The following UGGT2 variants were observed in gnomAD, a reference collection of about 807,000 sequenced individuals.
UGGT2 encodes the protein UDP-glucose glycoprotein glucosyltransferase 2, also known as UDP-glucose:glycoprotein glucosyltransferase 2.
Under a neutral mutation model 192.1 loss-of-function variants are expected in UGGT2, and 180 were observed. That is an observed-to-expected ratio of 0.94 (90% CI 0.83 to 1.06). The LOEUF (loss-of-function observed/expected upper bound fraction) is 1.06. Ranked by LOEUF, UGGT2 falls within the 50% of genes least tolerant of loss-of-function variation. UGGT2 has a pLI of 0.00. For synonymous variants in UGGT2, 580 were observed against 591.0 expected (o/e 0.98, Z 0.27); for missense variants, 1,849 against 1,795.7 (o/e 1.03, Z -0.54).
chr13:96,003,395 A>G (rs2051869417), intron 5 of UGGT2, among the ~76,000 whole-genome samples: 1 of 152,206 alleles, frequency 6.6e-6, no homozygotes, highest in Admixed American at 6.5e-5. Context: ...GAAGATTATT[A>G]TAAAGGCCAC....
chr13:95,853,364 G>C (rs1889247291), intron 36 of UGGT2, among the ~76,000 whole-genome samples, 179 bp downstream of exon 36: 1 of 152,154 alleles, frequency 6.6e-6, no homozygotes, highest in Admixed American at 6.5e-5. Context: ...TATTAGTTTT[G>C]AAAATGTTGA....
At chr13:95,960,177 C>T (rs139886723) in intron 12 of UGGT2, among the ~76,000 whole-genome samples, 48 of 152,228 alleles carry the variant, frequency 3.2e-4, no homozygotes, top group Non-Finnish European at 6.2e-4. Context: ...CAGATGTCAA[C>T]GTAAGGACAC....
chr13:95,828,689 C>G (rs1886313996), intron 38 of UGGT2, among the ~76,000 whole-genome samples: 1 of 151,726 alleles, frequency 6.6e-6, no homozygotes. Context: ...GCCTACCAAC[C>G]AAAAAAAACT....
At chr13:95,935,147 A>C (rs554615886) in intron 17 of UGGT2, among the ~76,000 whole-genome samples, 59 of 152,252 alleles carry the variant, frequency 3.9e-4, no homozygotes, top group Admixed American at 3.2e-3. Flanking sequence ...TTTTTTATCC[A>C]ATTGCCACTC....
chr13:95,914,447 T>C (rs550150453), intron 20 of UGGT2, among the ~76,000 whole-genome samples: 3 of 151,770 alleles, frequency 2.0e-5, no homozygotes, highest in African/African-American at 7.2e-5. Flanking sequence ...GACTTCAGTA[T>C]GTTTGATATA....
In UGGT2 at chr13:95,973,865, T is replaced by C. The variant is rs1320631957; in HGVS notation, c.1093-1194A>G. ...AATTATATCTATCTCACATGTTTGC[T>C]ATAGTTTAAATGTAATATACATCTA... On this transcript the variant is annotated intron_variant, in intron 10 of 38. Transcript: ENST00000376747. 3.3e-5 allele frequency among the ~76,000 whole-genome samples: 5 copies of C among 152,366 alleles called. No individual in the cohort carries two copies. In the South Asian group the frequency reaches 6.2e-4, roughly 19 times the overall value.
At chr13:95,919,563 T>C (rs1003109128) in intron 20 of UGGT2, among the ~76,000 whole-genome samples, 3 of 152,154 alleles carry the variant, frequency 2.0e-5, no homozygotes, top group Non-Finnish European at 4.4e-5. Flanking sequence ...AGCATTCCTA[T>C]ACACCAACAA....
At chr13:95,864,326 A>G (rs1234226208) in intron 30 of UGGT2, among the ~76,000 whole-genome samples, 1 of 152,180 alleles carries the variant, frequency 6.6e-6, no homozygotes, top group East Asian at 1.9e-4. Flanking sequence ...AGTTCAGTAG[A>G]CATAATTGTT....
At chr13:96,038,078 G>A (rs1236984543) in intron 1 of UGGT2, among the ~76,000 whole-genome samples, 1 of 152,252 alleles carries the variant, frequency 6.6e-6, no homozygotes, top group Non-Finnish European at 1.5e-5. Flanking sequence ...AGGCACATGA[G>A]GTAACACTGA....
chr13:95,997,205 T>C (rs539719060), intron 6 of UGGT2, among the ~76,000 whole-genome samples: 5 of 152,090 alleles, frequency 3.3e-5, no homozygotes, highest in Non-Finnish European at 7.3e-5. Context: ...TATGACAGGA[T>C]AGACACCAAG....
In UGGT2 at chr13:96,031,201, T is replaced by C. The variant is rs536562334; in HGVS notation, c.241+688A>G. ...TTTCTGTCCAATTTTGCTATGAACTTAGAACTACTCTAAAAAAATTAAGTC... is the reference window on the plus strand; with the variant it reads ...TTTCTGTCCAATTTTGCTATGAACTCAGAACTACTCTAAAAAAATTAAGTC... On this transcript the variant is annotated intron_variant, in intron 2 of 38. Transcript: ENST00000376747. Among the ~76,000 whole-genome samples the C allele has an allele frequency of 7.9e-5, 12 of 152,282 alleles. No individual in the cohort carries two copies. In the South Asian group the frequency reaches 2.5e-3, roughly 32 times the overall value.
At chr13:95,947,607 C>T (rs989355823) in intron 14 of UGGT2, among the ~76,000 whole-genome samples, 15 of 151,994 alleles carry the variant, frequency 9.9e-5, no homozygotes, top group African/African-American at 3.1e-4. Flanking sequence ...CGCACCACCA[C>T]GCCTTGCTAA....
At chr13:96,013,239 A>T in intron 5 of UGGT2, 68 bp downstream of exon 5, 1 of 1,420,190 alleles carries the variant, frequency 7.0e-7, no homozygotes, top group South Asian at 1.4e-5. Context: ...TAAATCTAGT[A>T]AGACGATTAT....
intron 38 of UGGT2, among the ~76,000 whole-genome samples, chr13:95,812,482 C>T (rs1302284225): frequency 2.0e-5 from 3 of 152,132 alleles, no homozygotes; most frequent in Non-Finnish European, 4.4e-5. Context: ...ATACACTATG[C>T]AAACATTAAA....
intron 30 of UGGT2, among the ~76,000 whole-genome samples, chr13:95,866,727 A>T (rs560763386): frequency 6.6e-6 from 1 of 152,252 alleles, no homozygotes; most frequent in South Asian, 2.1e-4. Context: ...AATGGCAGTT[A>T]AAAGTGTGAC....
At chr13:95,899,946 G>A (rs1286324693) in intron 22 of UGGT2, among the ~76,000 whole-genome samples, 3 of 152,054 alleles carry the variant, frequency 2.0e-5, no homozygotes, top group Non-Finnish European at 4.4e-5. Context: ...TTAGAACTTT[G>A]AAGATGATTG....
At chr13:95,897,389 ATAT>A (rs757611947) in intron 22 of UGGT2, among the ~76,000 whole-genome samples, 3 of 152,148 alleles carry the variant, frequency 2.0e-5, no homozygotes, top group African/African-American at 4.8e-5. Context: ...ATACAAATAA[ATAT>A]TATTATAACA....
intron 38 of UGGT2, among the ~76,000 whole-genome samples, chr13:95,802,063 G>A (rs923023281): frequency 2.0e-5 from 3 of 152,120 alleles, no homozygotes; most frequent in African/African-American, 4.8e-5. Context: ...TGAGGACAAG[G>A]AACATACCTT....
chr13:95,927,449 T>A, intron 17 of UGGT2, 113 bp from the exon 18 acceptor site: 1 of 908,854 alleles, frequency 1.1e-6, no homozygotes, highest in Non-Finnish European at 1.6e-6. Flanking sequence ...CAATTTAGAA[T>A]TATTACAATA....
Sources: gnomAD v4.1 joint callset for allele counts (sites outside exome capture counted in the v4.1 genomes callset) on GRCh38, gnomAD v4.1.1 for gene constraint, MANE v1.5 for transcripts, NCBI Gene and HGNC (gene_info 2026-07-23, HGNC 2026-07-21) for gene names.